MALRD1: variants seen among roughly 807,000 people sequenced by gnomAD.
MALRD1 encodes MAM and LDL receptor class A domain containing 1.
Under a neutral mutation model 242.1 loss-of-function variants are expected in MALRD1, and 247 were observed. The observed-to-expected ratio is 1.02, with a 90% CI of 0.92 to 1.13. The LOEUF (loss-of-function observed/expected upper bound fraction) is 1.13, where lower values mean the gene tolerates loss of function less well. Among genes scored for constraint, MALRD1 ranks in the 50% most tolerant of loss-of-function variants. The probability of loss-of-function intolerance (pLI) is 0.00; values close to 1 mark genes in which losing one functional copy is unlikely to be tolerated. For synonymous variants in MALRD1, 995 were observed against 866.6 expected (o/e 1.15, Z -2.60); for missense variants, 2,989 against 2,533.1 (o/e 1.18, Z -3.86).
chr10:19,376,542 C>A (rs1021962389), intron 26 of MALRD1, among the ~76,000 whole-genome samples: 2 of 94,980 alleles, frequency 2.1e-5, no homozygotes, highest in Admixed American at 1.2e-4. Flanking sequence ...TTGATACATT[C>A]TTTTTTTTTT....
chr10:19,082,203 C>A (rs559828055), intron 2 of MALRD1, among the ~76,000 whole-genome samples: 2 of 151,092 alleles, frequency 1.3e-5, no homozygotes, highest in African/African-American at 4.9e-5. Flanking sequence ...TTAGTTGTTG[C>A]CCTAGGGATT....
intron 2 of MALRD1, among the ~76,000 whole-genome samples, chr10:19,083,435 A>G (rs1835558313): frequency 6.6e-6 from 1 of 151,898 alleles, no homozygotes; most frequent in Non-Finnish European, 1.5e-5. Flanking sequence ...TAAACTCCCT[A>G]TCGATGTCTC....
chr10:19,601,462 C>T (rs1838338735), intron 34 of MALRD1, among the ~76,000 whole-genome samples: 1 of 151,852 alleles, frequency 6.6e-6, no homozygotes, highest in Non-Finnish European at 1.5e-5. Flanking sequence ...TTGCTACCTA[C>T]TCTTAAAAGA....
chr10:19,294,339 G>A (rs74694002), intron 21 of MALRD1, among the ~76,000 whole-genome samples: 21,627 of 152,016 alleles, frequency 0.14, 1,685 homozygotes, highest in African/African-American at 0.19. Context: ...CTGTAGTGAG[G>A]CAAGAACTTG....
chr10:19,300,993 A>C (rs1225232047), intron 21 of MALRD1, among the ~76,000 whole-genome samples: 2 of 152,026 alleles, frequency 1.3e-5, no homozygotes, highest in Non-Finnish European at 2.9e-5. Context: ...ATCTATAAGG[A>C]ACTTAAAGAA....
intron 30 of MALRD1, 147 bp from the exon 31 acceptor site, chr10:19,498,338 A>G (rs773577104): frequency 4.1e-5 from 28 of 687,308 alleles, no homozygotes; most frequent in Non-Finnish European, 5.6e-5. Context: ...TAAAATATTA[A>G]CAATGAGTAC....
intron 31 of MALRD1, among the ~76,000 whole-genome samples, chr10:19,518,620 TATTA>T (rs1258093355): frequency 6.6e-6 from 1 of 152,182 alleles, no homozygotes; most frequent in East Asian, 1.9e-4. Flanking sequence ...CCAAATTTTG[TATTA>T]ATTGTTACAG....
chr10:19,177,856 CT>C (rs1473008176), intron 14 of MALRD1, among the ~76,000 whole-genome samples: 1 of 152,064 alleles, frequency 6.6e-6, no homozygotes, highest in African/African-American at 2.4e-5. Context: ...TTCTTCCCCC[CT>C]GGGAACAGGA....
At chr10:19,224,205 A>G (rs2131673394) in intron 18 of MALRD1, among the ~76,000 whole-genome samples, 1 of 151,196 alleles carries the variant, frequency 6.6e-6, no homozygotes, top group South Asian at 2.1e-4. Context: ...CCTCTCTAGC[A>G]CCTGTTGTTT....
At chr10:19,463,468 G>A (rs1446197138) in intron 29 of MALRD1, among the ~76,000 whole-genome samples, 2 of 151,970 alleles carry the variant, frequency 1.3e-5, no homozygotes, top group Non-Finnish European at 2.9e-5. Context: ...TCCCAAGTTA[G>A]TTTACTTAGA....
chr10:19,653,961 T>G (rs1316472699), intron 36 of MALRD1, among the ~76,000 whole-genome samples: 1 of 152,198 alleles, frequency 6.6e-6, no homozygotes, highest in African/African-American at 2.4e-5. Context: ...GTGCCACTAA[T>G]CACAAGCGTT....
At chr10:19,701,993 A>T (rs991240766) in intron 38 of MALRD1, among the ~76,000 whole-genome samples, 4 of 152,056 alleles carry the variant, frequency 2.6e-5, no homozygotes, top group Non-Finnish European at 5.9e-5. Context: ...TTCTTATTTC[A>T]TTGACTGGAC....
At chr10:19,325,800 A>C (rs1843101086) in intron 22 of MALRD1, among the ~76,000 whole-genome samples, 1 of 152,138 alleles carries the variant, frequency 6.6e-6, no homozygotes, top group Non-Finnish European at 1.5e-5. Context: ...ATTTGCAACA[A>C]GATTAGACGT....
At chr10:19,683,941 C>G (rs573095702) in intron 36 of MALRD1, among the ~76,000 whole-genome samples, 2 of 152,002 alleles carry the variant, frequency 1.3e-5, no homozygotes, top group Admixed American at 6.6e-5. Flanking sequence ...CCCTCACCCC[C>G]CAGCAGGCCC....
intron 1 of MALRD1, among the ~76,000 whole-genome samples, chr10:19,060,743 T>C (rs1458192943): frequency 1.3e-5 from 2 of 151,994 alleles, no homozygotes; most frequent in Non-Finnish European, 2.9e-5. Flanking sequence ...GAGTAGAAGG[T>C]GAAGAAAAAA....
Position 19,352,299 on chromosome 10 carries a change from T to C in MALRD1, c.4441+2T>C. On this transcript the variant is annotated splice_donor_variant, in intron 26 of 39. Coordinates refer to ENST00000454679, the MANE Select transcript of MALRD1 (RefSeq NM_001142308.3). LOFTEE classifies it high-confidence loss of function. ...AACTGGCAGTGCCTCTTCCAACAGG[T>C]ACATTCTAATCTGTGTGTGTGTGTG... The C allele has an allele frequency of 2.8e-6, 4 of 1,450,658 alleles. No individual in the cohort carries two copies. Among genetic ancestry groups the C allele is most frequent in the Non-Finnish European group, 3.6e-6 (4 of 1,104,344 alleles). The allele number at this position is 1,450,658 out of a possible 1,614,324, so 89.9% of individuals were successfully genotyped here.
rs148465492 is a variant in MALRD1, at chr10:19,577,098, T to G, written c.5680+9395T>G. 6.7e-3 allele frequency among the ~76,000 whole-genome samples: 1,018 copies of G among 152,128 alleles called. 4 individuals are homozygous for G. The highest frequency in any genetic ancestry group is 0.012 in the South Asian group (59 of 4,818). On this transcript the variant is annotated intron_variant, in intron 33 of 39. Coordinates refer to ENST00000454679, the MANE Select transcript of MALRD1 (RefSeq NM_001142308.3). ...TGTATTGTATGTAATATAACAATTG[T>G]AGATAAATTATTTAAAACTTGGTTT...
At chr10:19,416,950 C>T (rs1833534430) in intron 28 of MALRD1, among the ~76,000 whole-genome samples, 1 of 152,202 alleles carries the variant, frequency 6.6e-6, no homozygotes, top group South Asian at 2.1e-4. Context: ...ATCTCACCAA[C>T]AGGTGATGAA....
intron 21 of MALRD1, among the ~76,000 whole-genome samples, chr10:19,290,886 T>C (rs1324758445): frequency 6.6e-6 from 1 of 152,202 alleles, no homozygotes; most frequent in Non-Finnish European, 1.5e-5. Flanking sequence ...TGATTTTATA[T>C]GATCTCAGAG....
Sources: gnomAD v4.1 joint callset for allele counts (sites outside exome capture counted in the v4.1 genomes callset) on GRCh38, gnomAD v4.1.1 for gene constraint, MANE v1.5 for transcripts, NCBI Gene and HGNC (gene_info 2026-07-23, HGNC 2026-07-21) for gene names.